The following CLASP1 variants were observed in gnomAD, a reference collection of about 807,000 sequenced individuals.
CLASP1 encodes cytoplasmic linker associated protein 1, also known as CLIP-associating protein 1.
Under a neutral mutation model 192.3 loss-of-function variants are expected in CLASP1, and 38 were observed. The observed-to-expected ratio is 0.20, with a 90% CI of 0.15 to 0.26. The LOEUF is 0.26. CLASP1 is among the 10% of genes least tolerant of loss of function. The pLI is 1.00. For synonymous variants in CLASP1, 691 were observed against 712.8 expected (o/e 0.97, Z 0.49); for missense variants, 1,433 against 1,932.5 (o/e 0.74, Z 4.85).
intron 30 of CLASP1, 122 bp downstream of exon 31, chr2:121,397,018 C>A: frequency 1.1e-6 from 1 of 887,136 alleles, no homozygotes; most frequent in Non-Finnish European, 1.8e-6. Context: ...AAAAGGGCAA[C>A]AGCAGAGCCT....
At chr2:121,433,754 T>A (rs548967334) in intron 19 of CLASP1, among the ~76,000 whole-genome samples, 1 of 152,264 alleles carries the variant, frequency 6.6e-6, no homozygotes, top group Admixed American at 6.5e-5. Context: ...AGACTCTGTC[T>A]CAAAAAGAAA....
At position 121,460,802 on chromosome 2, in the gene CLASP1, A is replaced by G. The variant is rs145036402; in HGVS notation, c.1032+299T>C. On this transcript the variant is annotated intron_variant, in intron 11 of 39. Coordinates refer to ENST00000263710, the Ensembl canonical transcript of CLASP1. ...AAATGCCACAAAAAAGCCACCTTAA[A>G]GGCAAACAATCACAGAATGAAATTT... 4.6e-3 allele frequency among the ~76,000 whole-genome samples: 703 copies of G among 152,314 alleles called. 10 individuals are homozygous for G. Among genetic ancestry groups the G allele is most frequent in the African/African-American group, 0.015 (644 of 41,578 alleles).
chr2:121,605,971 A>C, exon 2 of CLASP1: 1 of 1,388,832 alleles, frequency 7.2e-7, no homozygotes, highest in East Asian at 2.3e-5. Context: ...CGTATCTGGG[A>C]GGTTGCCTCT....
intron 2 of CLASP1, among the ~76,000 whole-genome samples, chr2:121,600,249 C>A (rs1297696939): frequency 6.6e-6 from 1 of 152,156 alleles, no homozygotes; most frequent in African/African-American, 2.4e-5. Flanking sequence ...AACATGCAGG[C>A]TGCCACTACA....
chr2:121,569,365 CAG>C (rs1429713071), intron 2 of CLASP1, among the ~76,000 whole-genome samples: 21 of 152,190 alleles, frequency 1.4e-4, no homozygotes, highest in Non-Finnish European at 2.4e-4. Context: ...AATCTAGAGA[CAG>C]AGATCAGGGC....
chr2:121,547,441 G>A (rs935615787), intron 2 of CLASP1, among the ~76,000 whole-genome samples: 3 of 151,334 alleles, frequency 2.0e-5, no homozygotes, highest in Non-Finnish European at 2.9e-5. Flanking sequence ...GGCTCGCAGC[G>A]AAGACCCTCC....
intron 2 of CLASP1, among the ~76,000 whole-genome samples, chr2:121,560,637 A>C (rs950998749): frequency 1.3e-5 from 2 of 152,234 alleles, no homozygotes; most frequent in African/African-American, 4.8e-5. Context: ...TCTAGGAATA[A>C]GGGGTATCAC....
rs371908927 is a variant in CLASP1, at chr2:121,461,945, G to C, written c.939+587C>G. Among the ~76,000 whole-genome samples the C allele has an allele frequency of 7.2e-5, 11 of 152,262 alleles. 1 individual carries two copies. The East Asian group carries it at 1.4e-3, about 19-fold the overall frequency. ...CATATGGCAACCAAGGTGGCAAAGAGAGTTGTACATAACAGACAGTAAGTG... is the reference window on the plus strand; with the variant it reads ...CATATGGCAACCAAGGTGGCAAAGACAGTTGTACATAACAGACAGTAAGTG... On this transcript the variant is annotated intron_variant, in intron 10 of 39. Transcript: ENST00000263710.
At chr2:121,626,663 G>C (rs909954089) in intron 1 of CLASP1, among the ~76,000 whole-genome samples, 1 of 152,112 alleles carries the variant, frequency 6.6e-6, no homozygotes, top group Non-Finnish European at 1.5e-5. Context: ...GGCCTCAAGT[G>C]ATTCTCGCAC....
chr2:121,614,369 G>A (rs1367112390), intron 1 of CLASP1, among the ~76,000 whole-genome samples: 2 of 152,104 alleles, frequency 1.3e-5, no homozygotes, highest in Non-Finnish European at 2.9e-5. Context: ...GGTGGTGTGC[G>A]CCTGTAATCC....
At chr2:121,530,794 C>T (rs992094584) in intron 2 of CLASP1, 8 of 593,566 alleles carry the variant, frequency 1.3e-5, no homozygotes, top group Admixed American at 1.1e-4. Flanking sequence ...GCTACCAGAC[C>T]GACTAGGGCG....
chr2:121,366,890 T>G (rs1396158750), intron 35 of CLASP1, among the ~76,000 whole-genome samples: 1 of 152,248 alleles, frequency 6.6e-6, no homozygotes, highest in African/African-American at 2.4e-5. Context: ...TATTCAGTAA[T>G]GGACACTGGT....
chr2:121,401,953 G>A (rs2076213156), intron 26 of CLASP1, 83 bp from the exon 28 acceptor site: 1 of 558,448 alleles, frequency 1.8e-6, no homozygotes, highest in Middle Eastern at 2.9e-4. Flanking sequence ...CCATTTTCAT[G>A]CGTTTTTTTA....
chr2:121,396,475 G>A (rs570084432), intron 30 of CLASP1, among the ~76,000 whole-genome samples: 5 of 152,302 alleles, frequency 3.3e-5, no homozygotes, highest in South Asian at 2.1e-4. Flanking sequence ...CTAATCATTC[G>A]AAATTATCTG....
At chr2:121,474,752 G>A (rs2091386258) in intron 8 of CLASP1, among the ~76,000 whole-genome samples, 1 of 152,058 alleles carries the variant, frequency 6.6e-6, no homozygotes, top group South Asian at 2.1e-4. Context: ...AAAAGAGAAG[G>A]AGGAAAGGGC....
chr2:121,492,189 A>C (rs1330414704), intron 8 of CLASP1, among the ~76,000 whole-genome samples: 2 of 152,102 alleles, frequency 1.3e-5, no homozygotes, highest in African/African-American at 4.8e-5. Flanking sequence ...GGAGATCGAA[A>C]CCATCCTGGA....
chr2:121,472,490 C>T (rs1039745708), intron 8 of CLASP1, among the ~76,000 whole-genome samples: 1 of 152,184 alleles, frequency 6.6e-6, no homozygotes, highest in African/African-American at 2.4e-5. Flanking sequence ...ACAATCACCC[C>T]AACTTTCTGC....
intron 1 of CLASP1, among the ~76,000 whole-genome samples, chr2:121,629,294 GT>G (rs1338936438): frequency 3.3e-5 from 5 of 151,938 alleles, no homozygotes; most frequent in Non-Finnish European, 7.4e-5. Context: ...GGAGGCTGAG[GT>G]GGGAGAATGG....
At chr2:121,514,986 G>A (rs1412689147) in intron 7 of CLASP1, among the ~76,000 whole-genome samples, 1 of 149,340 alleles carries the variant, frequency 6.7e-6, no homozygotes, top group African/African-American at 2.6e-5. Context: ...AGTTCTATCT[G>A]GAATTTTAAC....
Sources: allele counts gnomAD v4.1 joint callset (sites outside exome capture counted in the v4.1 genomes callset), GRCh38; gene constraint gnomAD v4.1.1; transcripts MANE v1.5; gene names NCBI Gene and HGNC (gene_info 2026-07-23, HGNC 2026-07-21).